Variants in UNC5D observed in about 807,000 individuals in gnomAD.
UNC5D encodes netrin receptor UNC5D.
UNC5D carries 39 observed loss-of-function variants against 105.4 expected under a neutral mutation model. The observed-to-expected ratio is 0.37, with a 90% CI of 0.29 to 0.48. The LOEUF (loss-of-function observed/expected upper bound fraction) is 0.48, where lower values mean the gene tolerates loss of function less well. Ranked by LOEUF, UNC5D falls within the 20% of genes least tolerant of loss-of-function variation. The pLI, the probability that UNC5D is intolerant of heterozygous loss-of-function variation, is 0.98. For synonymous variants in UNC5D, 452 were observed against 450.4 expected, an observed-to-expected ratio of 1.00 and a Z score of -0.04; for missense variants, 991 against 1,202.4, an observed-to-expected ratio of 0.82 and a Z score of 2.60.
At chr8:35,599,389 TAA>T (rs1003356034) in intron 4 of UNC5D, among the ~76,000 whole-genome samples, 2 of 152,110 alleles carry the variant, frequency 1.3e-5, no homozygotes, top group African/African-American at 4.8e-5. Flanking sequence ...AAAAGAACAA[TAA>T]GTTTGTGATG....
At chr8:35,739,052 G>A (rs1829615749) in intron 11 of UNC5D, among the ~76,000 whole-genome samples, 1 of 152,116 alleles carries the variant, frequency 6.6e-6, no homozygotes, top group African/African-American at 2.4e-5. Context: ...TAACAAAGGG[G>A]GCTTTTTCTG....
At chr8:35,416,924 C>T (rs1026220572) in intron 1 of UNC5D, among the ~76,000 whole-genome samples, 3 of 152,030 alleles carry the variant, frequency 2.0e-5, no homozygotes, top group African/African-American at 7.2e-5. Flanking sequence ...GAAGGGAATT[C>T]TGTTTATTTT....
chr8:35,723,826 T>TG (rs1254571114), intron 9 of UNC5D, among the ~76,000 whole-genome samples: 1 of 152,124 alleles, frequency 6.6e-6, no homozygotes, highest in Non-Finnish European at 1.5e-5. Context: ...AGAGACAGTT[T>TG]TGTGCATAAG....
At chr8:35,733,329 G>A (rs1252792921) in intron 11 of UNC5D, among the ~76,000 whole-genome samples, 1 of 152,200 alleles carries the variant, frequency 6.6e-6, no homozygotes, top group Non-Finnish European at 1.5e-5. Context: ...GAGGCTCCTT[G>A]GGTCTGGTTC....
intron 7 of UNC5D, among the ~76,000 whole-genome samples, chr8:35,693,371 T>G (rs143271685): frequency 1.8e-3 from 276 of 152,302 alleles, no homozygotes; most frequent in African/African-American, 6.5e-3. Flanking sequence ...TTTTCTATTT[T>G]TATGCCTTGT....
intron 1 of UNC5D, among the ~76,000 whole-genome samples, chr8:35,292,285 CT>C (rs1807126956): frequency 6.6e-6 from 1 of 152,186 alleles, no homozygotes; most frequent in Admixed American, 6.5e-5. Context: ...AGAATTTGTT[CT>C]GCATCTCTAA....
chr8:35,659,280 G>A (rs1020815145), intron 4 of UNC5D, among the ~76,000 whole-genome samples: 4 of 152,196 alleles, frequency 2.6e-5, no homozygotes, highest in African/African-American at 9.7e-5. Flanking sequence ...ATGATTGAAT[G>A]TCTCAAGATC....
intron 1 of UNC5D, among the ~76,000 whole-genome samples, chr8:35,282,719 A>AAAAAG: frequency 6.6e-6 from 1 of 151,634 alleles, no homozygotes; most frequent in East Asian, 1.9e-4. Flanking sequence ...ACAAAAAAAA[A>AAAAAG]AAAAGCAACC....
rs183708853 is a variant in UNC5D at position 35,503,492 on chromosome 8, G to A, written c.104-45800G>A. On this transcript the variant is annotated intron_variant, in intron 1 of 16. Coordinates refer to ENST00000404895, the MANE Select transcript of UNC5D (RefSeq NM_080872.4). ...CCACCAGGTCCCTCCCACAGCATGT[G>A]GGAATTATGGGAGTTACAATTCAAG... is the stretch of plus-strand genomic sequence containing the variant. Among the ~76,000 whole-genome samples, 309 of 152,268 alleles carry A rather than the reference G, an allele frequency of 2.0e-3. 3 individuals are homozygous for A. Among genetic ancestry groups the A allele is most frequent in the Admixed American group, 3.9e-3 (60 of 15,298 alleles).
chr8:35,701,918 A>G (rs1766226438), intron 7 of UNC5D, among the ~76,000 whole-genome samples: 1 of 148,464 alleles, frequency 6.7e-6, no homozygotes, highest in South Asian at 2.1e-4. Context: ...TACAATATAT[A>G]ATATATATAT....
At chr8:35,345,640 CTT>C (rs896488760) in intron 1 of UNC5D, among the ~76,000 whole-genome samples, 22 of 152,008 alleles carry the variant, frequency 1.4e-4, no homozygotes, top group Non-Finnish European at 2.9e-4. Context: ...AATATGCCAA[CTT>C]TATATCTCTG....
chr8:35,368,489 C>A (rs1802259560), intron 1 of UNC5D, among the ~76,000 whole-genome samples: 2 of 151,666 alleles, frequency 1.3e-5, no homozygotes, highest in African/African-American at 4.8e-5. Context: ...ATATAACCAC[C>A]CTATTGTATC....
At chr8:35,418,428 G>A (rs890997579) in intron 1 of UNC5D, among the ~76,000 whole-genome samples, 2 of 152,116 alleles carry the variant, frequency 1.3e-5, no homozygotes, top group Non-Finnish European at 2.9e-5. Context: ...GCATATTGTT[G>A]TTAATCCAAG....
chr8:35,583,669 G>A (rs1818596205), intron 3 of UNC5D, among the ~76,000 whole-genome samples: 1 of 152,162 alleles, frequency 6.6e-6, no homozygotes. Context: ...GATACAAAAT[G>A]TGAGTTATCA....
intron 15 of UNC5D, among the ~76,000 whole-genome samples, chr8:35,774,064 G>A (rs1052346097): frequency 3.3e-5 from 5 of 152,084 alleles, no homozygotes; most frequent in South Asian, 2.1e-4. Flanking sequence ...TCATTGTGAC[G>A]CCCCTGAGTG....
chr8:35,370,183 G>A (rs532400307), intron 1 of UNC5D, among the ~76,000 whole-genome samples: 1 of 152,254 alleles, frequency 6.6e-6, no homozygotes, highest in South Asian at 2.1e-4. Context: ...ATCATCTACA[G>A]TGAAGAATAA....
rs191308831 is a variant in UNC5D at position 35,359,141 on chromosome 8, C to T, written c.103+123254C>T. 3.7e-3 allele frequency among the ~76,000 whole-genome samples: 567 copies of T among 152,286 alleles called. 4 individuals carry two copies. The highest frequency in any genetic ancestry group is 0.013 in the African/African-American group (555 of 41,566). On this transcript the variant is annotated intron_variant, in intron 1 of 16. Coordinates refer to ENST00000404895, the MANE Select transcript of UNC5D (RefSeq NM_080872.4). Reference sequence around the variant, plus strand: ...ACTCTGTCTGGATGGCCAAGCAAGACCCTGTCTTTAAAAAACAGACAAAAA... The same window carrying T: ...ACTCTGTCTGGATGGCCAAGCAAGATCCTGTCTTTAAAAAACAGACAAAAA...
chr8:35,628,478 A>T (rs1047698741), intron 4 of UNC5D, among the ~76,000 whole-genome samples: 1 of 152,200 alleles, frequency 6.6e-6, no homozygotes, highest in African/African-American at 2.4e-5. Context: ...CTAAAAACAC[A>T]TCCTGCTTTT....
intron 1 of UNC5D, among the ~76,000 whole-genome samples, chr8:35,372,887 C>T (rs1802502377): frequency 6.6e-6 from 1 of 152,156 alleles, no homozygotes; most frequent in Non-Finnish European, 1.5e-5. Context: ...CAAATGTGAG[C>T]CACTATGCAC....
Sources: gnomAD v4.1 joint callset for allele counts (sites outside exome capture counted in the v4.1 genomes callset) on GRCh38, gnomAD v4.1.1 for gene constraint, MANE v1.5 for transcripts, NCBI Gene and HGNC (gene_info 2026-07-23, HGNC 2026-07-21) for gene names.